CD44: variants seen among roughly 807,000 people sequenced by gnomAD.
The protein encoded by CD44 is CD44 molecule (IN blood group), also known as CD44 antigen.
CD44 carries 49 observed loss-of-function variants against 88.8 expected under a neutral mutation model. The ratio of observed to expected loss-of-function variants is 0.55; its 90% confidence interval spans 0.44 to 0.70. The LOEUF (loss-of-function observed/expected upper bound fraction) is 0.70. CD44 is among the 30% of genes least tolerant of loss of function. The pLI, the probability that CD44 is intolerant of heterozygous loss-of-function variation, is 0.00. For missense variants in CD44, 883 were observed against 913.8 expected, an observed-to-expected ratio of 0.97 and a Z score of 0.43; for synonymous variants, 325 against 312.3, an observed-to-expected ratio of 1.04 and a Z score of -0.43.
rs79148489 is a variant in CD44, at chr11:35,182,214, A to C, written c.367+1807A>C. Reference sequence around the variant, plus strand: ...TTCTACTCACTACTAAAAAAAACCCAAAAATTAAAATTAATTGTGAGATTA... The same window carrying C: ...TTCTACTCACTACTAAAAAAAACCCCAAAATTAAAATTAATTGTGAGATTA... On this transcript the variant is annotated intron_variant, in intron 3 of 17. Coordinates refer to ENST00000428726, the MANE Select transcript of CD44 (RefSeq NM_000610.4). 9.7e-3 allele frequency among the ~76,000 whole-genome samples: 1,474 copies of C among 151,482 alleles called. 15 individuals carry two copies. The highest frequency in any genetic ancestry group is 0.034 in the African/African-American group (1,404 of 41,204).
At chr11:35,163,264 T>C (rs75107920) in intron 1 of CD44, among the ~76,000 whole-genome samples, 4 of 149,714 alleles carry the variant, frequency 2.7e-5, no homozygotes, top group Non-Finnish European at 5.9e-5. Context: ...TTTTTTTTTT[T>C]CTAAACTGAA....
intron 9 of CD44, among the ~76,000 whole-genome samples, chr11:35,204,224 A>G (rs1193820242): frequency 6.6e-6 from 1 of 152,226 alleles, no homozygotes; most frequent in Non-Finnish European, 1.5e-5. Context: ...TAAAAATAAT[A>G]ATAACTCATA....
At chr11:35,147,333 A>G (rs1859361400) in intron 1 of CD44, among the ~76,000 whole-genome samples, 1 of 152,200 alleles carries the variant, frequency 6.6e-6, no homozygotes, top group Non-Finnish European at 1.5e-5. Flanking sequence ...AGGGCTGTAC[A>G]TATCCAGGGC....
intron 11 of CD44, among the ~76,000 whole-genome samples, chr11:35,206,714 C>A (rs1354444362): frequency 6.8e-6 from 1 of 146,252 alleles, no homozygotes; most frequent in Non-Finnish European, 1.5e-5. Context: ...TAAGGAGAAA[C>A]GTGAAGGAAG....
intron 1 of CD44, among the ~76,000 whole-genome samples, chr11:35,160,821 G>A (rs1048378139): frequency 1.3e-5 from 2 of 152,184 alleles, no homozygotes; most frequent in Non-Finnish European, 2.9e-5. Flanking sequence ...GATGAATAAG[G>A]CATGGTCCCA....
At chr11:35,226,919 G>C (rs1949737091) in intron 17 of CD44, among the ~76,000 whole-genome samples, 1 of 103,772 alleles carries the variant, frequency 9.6e-6, no homozygotes, top group Non-Finnish European at 1.8e-5. Context: ...GAGTCTTACT[G>C]TGTCACCCAG....
At chr11:35,183,738 C>A (rs1468842881) in intron 3 of CD44, among the ~76,000 whole-genome samples, 1 of 151,948 alleles carries the variant, frequency 6.6e-6, no homozygotes, top group East Asian at 1.9e-4. Context: ...CCAACGTGAG[C>A]CTGGTGACTT....
intron 17 of CD44, chr11:35,223,279 T>C (rs931675869): frequency 4.9e-5 from 48 of 985,222 alleles, no homozygotes; most frequent in Non-Finnish European, 5.5e-5. Flanking sequence ...GCTTCCTCAT[T>C]TTCCCTTGGA....
intron 1 of CD44, among the ~76,000 whole-genome samples, chr11:35,164,289 T>C (rs985799005): frequency 6.6e-6 from 1 of 152,162 alleles, no homozygotes; most frequent in Non-Finnish European, 1.5e-5. Flanking sequence ...CTTGCCACAT[T>C]CATAGCAGGA....
At chr11:35,165,652 C>T (rs550556602) in intron 1 of CD44, among the ~76,000 whole-genome samples, 1 of 152,304 alleles carries the variant, frequency 6.6e-6, no homozygotes, top group South Asian at 2.1e-4. Context: ...TGCACATCAA[C>T]CTTCTCACTT....
At chr11:35,223,137 T>C in intron 17 of CD44, 1 of 985,444 alleles carries the variant, frequency 1.0e-6, no homozygotes, top group Non-Finnish European at 1.2e-6. Context: ...TGCTACCTGA[T>C]TGTATAAGGA....
rs934890645 is a variant in CD44, at chr11:35,231,451, A to G, written c.*2118A>G. 3.9e-5 allele frequency: 6 copies of G among 152,210 alleles called. No homozygotes were observed. The highest frequency in any genetic ancestry group is 1.4e-4 in the African/African-American group (6 of 41,446). The allele number at this position is 152,210 out of a possible 1,614,324, so 9.4% of individuals were successfully genotyped here. On this transcript the variant is annotated 3_prime_UTR_variant, in exon 18 of 18. Coordinates refer to ENST00000428726, the MANE Select transcript of CD44 (RefSeq NM_000610.4). The stretch of plus-strand genomic sequence containing the variant: ...TTTTCCACTCCTTCTAGATATTCCC[A>G]AAAAGAGGCTGAGACAGGAGGTTAT...
intron 1 of CD44, among the ~76,000 whole-genome samples, chr11:35,167,252 T>TTG (rs5791035): frequency 0.17 from 25,527 of 151,098 alleles, 2,331 homozygotes; most frequent in African/African-American, 0.22. Context: ...CCACTGAGTT[T>TTG]TGTGTGTGTG....
chr11:35,159,669 G>A (rs796705578), intron 1 of CD44, among the ~76,000 whole-genome samples: 19 of 152,292 alleles, frequency 1.2e-4, no homozygotes, highest in African/African-American at 4.3e-4. Flanking sequence ...TTTGAGAGAG[G>A]CAGCAAATGA....
chr11:35,221,894 G>A (rs973548544), intron 17 of CD44, among the ~76,000 whole-genome samples, 162 bp downstream of exon 17: 9 of 152,186 alleles, frequency 5.9e-5, no homozygotes, highest in Non-Finnish European at 1.3e-4. Context: ...GACCTCCTAT[G>A]GCAGAGTCTG....
chr11:35,178,767 G>A (rs1414388998), intron 2 of CD44, among the ~76,000 whole-genome samples: 3 of 152,140 alleles, frequency 2.0e-5, no homozygotes, highest in African/African-American at 4.8e-5. Flanking sequence ...ATGATGTGAT[G>A]GGGGTGAGTT....
chr11:35,201,013 T>C (rs1201758070), intron 7 of CD44, 69 bp from the exon 8 acceptor site: 8 of 1,059,342 alleles, frequency 7.6e-6, no homozygotes, highest in African/African-American at 3.1e-5. Flanking sequence ...AGCAAGACTA[T>C]GTGCGGGACA....
rs2134416240 is a variant in CD44 at position 35,224,983 on chromosome 11, A to G, written c.2024+3251A>G. ...TCTTATGCTACAGTCTAGCTCCTGC[A>G]ATCTGAGCTCACCCAACCTCGTCCT... On this transcript the variant is annotated intron_variant, in intron 17 of 17. Coordinates refer to ENST00000428726, the MANE Select transcript of CD44 (RefSeq NM_000610.4). Among the ~76,000 whole-genome samples the G allele has an allele frequency of 2.0e-5, 3 of 152,290 alleles. No individual in the cohort carries two copies. The Middle Eastern group carries it at 0.01, about 518-fold the overall frequency.
At chr11:35,156,974 C>T (rs998762321) in intron 1 of CD44, among the ~76,000 whole-genome samples, 8 of 152,152 alleles carry the variant, frequency 5.3e-5, no homozygotes, top group African/African-American at 1.7e-4. Context: ...TTTGAGGTTA[C>T]ACTGAGCTAA....
Sources: gnomAD v4.1 joint callset for allele counts (sites outside exome capture counted in the v4.1 genomes callset) on GRCh38, gnomAD v4.1.1 for gene constraint, MANE v1.5 for transcripts, NCBI Gene and HGNC (gene_info 2026-07-23, HGNC 2026-07-21) for gene names.